LMX1A: variants seen among roughly 807,000 people sequenced by gnomAD.
The protein encoded by LMX1A is LIM homeobox transcription factor 1-alpha.
In LMX1A, 15 loss-of-function variants were observed where a neutral mutation model predicts 49.1. The observed-to-expected ratio is 0.31, with a 90% CI of 0.20 to 0.47. The LOEUF (loss-of-function observed/expected upper bound fraction) is 0.47, where lower values mean the gene tolerates loss of function less well. Among genes scored for constraint, LMX1A ranks in the 20% least tolerant of loss-of-function variants. The probability of loss-of-function intolerance (pLI) is 1.00; values close to 1 mark genes in which losing one functional copy is unlikely to be tolerated. For missense variants in LMX1A, 372 were observed against 475.8 expected (o/e 0.78, Z 2.03); for synonymous variants, 167 against 185.7 (o/e 0.90, Z 0.82).
rs1208194500 is a variant in LMX1A, at chr1:165,275,839, GTGTGTGTA to G, written c.264-26207_264-26200del. Reference sequence around the variant, plus strand: ...TCTAGAGCTTTTATGGCGCTGGGGTGTGTGTGTATGTGTGTGTGTGTGTGTGTGTGTGT... The same window carrying G: ...TCTAGAGCTTTTATGGCGCTGGGGTGTGTGTGTGTGTGTGTGTGTGTGTGT... On this transcript the variant is annotated intron_variant, in intron 3 of 8. Coordinates refer to ENST00000342310, the MANE Select transcript of LMX1A (RefSeq NM_177398.4). 8.5e-3 allele frequency among the ~76,000 whole-genome samples: 626 copies of G among 73,744 alleles called. 5 individuals are homozygous for G. The highest frequency in any genetic ancestry group is 0.026 in the Admixed American group (166 of 6,344). The allele number at this position is 73,744 out of a possible 152,430, so 48.4% of individuals were successfully genotyped here. A position where few individuals can be genotyped will look rare whatever the true frequency, so the allele number is the denominator to read the frequency against.
At chr1:165,222,220 G>C (rs1300031916) in intron 4 of LMX1A, among the ~76,000 whole-genome samples, 1 of 152,062 alleles carries the variant, frequency 6.6e-6, no homozygotes, top group African/African-American at 2.4e-5. Flanking sequence ...GTTTTGATTT[G>C]GCCAGCCTCC....
chr1:165,223,120 G>GA (rs201001547), intron 4 of LMX1A, among the ~76,000 whole-genome samples: 223 of 147,690 alleles, frequency 1.5e-3, no homozygotes, highest in East Asian at 4.3e-3. Context: ...TACACTTCAA[G>GA]AAAAAAAAAA....
intron 4 of LMX1A, among the ~76,000 whole-genome samples, chr1:165,231,942 C>T (rs1402706863): frequency 2.0e-5 from 3 of 152,188 alleles, no homozygotes; most frequent in African/African-American, 7.2e-5. Flanking sequence ...TGAGAGCACA[C>T]GGACTGAAAC....
intron 3 of LMX1A, among the ~76,000 whole-genome samples, chr1:165,296,345 G>A (rs1470544626): frequency 6.6e-6 from 1 of 152,244 alleles, no homozygotes; most frequent in Non-Finnish European, 1.5e-5. Context: ...AAGGCACAGA[G>A]ACACATACTA....
chr1:165,253,158 C>T (rs1228124265), intron 3 of LMX1A, among the ~76,000 whole-genome samples: 2 of 152,038 alleles, frequency 1.3e-5, no homozygotes, highest in Non-Finnish European at 2.9e-5. Context: ...TCATGTAGCT[C>T]GCATGCTAGT....
At chr1:165,284,869 T>C (rs1297576424) in intron 3 of LMX1A, among the ~76,000 whole-genome samples, 2 of 152,190 alleles carry the variant, frequency 1.3e-5, no homozygotes, top group Non-Finnish European at 2.9e-5. Context: ...ATTTTCGGGT[T>C]TCTGACCAGC....
At chr1:165,216,330 C>CT (rs1651641840) in intron 4 of LMX1A, among the ~76,000 whole-genome samples, 1 of 152,204 alleles carries the variant, frequency 6.6e-6, no homozygotes, top group Admixed American at 6.5e-5. Context: ...TGGATAGACC[C>CT]TATTGATCCT....
chr1:165,338,332 G>A (rs1655965354), intron 3 of LMX1A, among the ~76,000 whole-genome samples: 1 of 152,168 alleles, frequency 6.6e-6, no homozygotes, highest in Admixed American at 6.5e-5. Context: ...ATAACAGTTT[G>A]ACCTCTGCAA....
At chr1:165,214,062 C>T (rs188873645) in intron 4 of LMX1A, among the ~76,000 whole-genome samples, 4 of 152,324 alleles carry the variant, frequency 2.6e-5, no homozygotes, top group East Asian at 1.9e-4. Context: ...ATCCTGGCTC[C>T]GCATTTACTA....
At chr1:165,284,902 G>A (rs1226474920) in intron 3 of LMX1A, among the ~76,000 whole-genome samples, 1 of 152,216 alleles carries the variant, frequency 6.6e-6, no homozygotes, top group African/African-American at 2.4e-5. Flanking sequence ...CCAGAACCAA[G>A]AGCCACAGCC....
chr1:165,229,977 C>T (rs1652183162), intron 4 of LMX1A, among the ~76,000 whole-genome samples: 1 of 152,124 alleles, frequency 6.6e-6, no homozygotes, highest in African/African-American at 2.4e-5. Flanking sequence ...AAGGTTAGGC[C>T]TTTGGAGGTC....
At chr1:165,233,864 G>T (rs1652325451) in intron 4 of LMX1A, among the ~76,000 whole-genome samples, 1 of 152,100 alleles carries the variant, frequency 6.6e-6, no homozygotes, top group African/African-American at 2.4e-5. Flanking sequence ...ACGAAGTATT[G>T]AAGGCATAAA....
At chr1:165,300,834 TCTC>T (rs1483856234) in intron 3 of LMX1A, among the ~76,000 whole-genome samples, 2 of 152,120 alleles carry the variant, frequency 1.3e-5, no homozygotes, top group Non-Finnish European at 2.9e-5. Context: ...CCTGCCTGCT[TCTC>T]CTCATTCATG....
At chr1:165,213,852 G>A in intron 4 of LMX1A, 39 bp from the exon 5 acceptor site, 3 of 1,597,158 alleles carry the variant, frequency 1.9e-6, no homozygotes, top group Non-Finnish European at 2.6e-6. Context: ...GTCCCTGAAA[G>A]CCAGTTCCTG....
rs540357960 is a variant in LMX1A at position 165,203,576 on chromosome 1, T to C, written c.*304A>G. Reference sequence around the variant, plus strand: ...GCTTCCCCGACATGGTGGGAAGTTGTTAGGAGTCCCTAAGTATCTAGTTTG... The same window carrying C: ...GCTTCCCCGACATGGTGGGAAGTTGCTAGGAGTCCCTAAGTATCTAGTTTG... On this transcript the variant is annotated 3_prime_UTR_variant, in exon 9 of 9. Coordinates refer to ENST00000342310, the MANE Select transcript of LMX1A (RefSeq NM_177398.4). 5.1e-4 allele frequency: 112 copies of C among 220,200 alleles called. No homozygotes were observed. Among genetic ancestry groups the C allele is most frequent in the African/African-American group, 2.3e-3 (105 of 44,808 alleles). 13.6% of individuals were successfully genotyped at this position (220,200 alleles called of 1,614,324 possible).
In LMX1A at chr1:165,350,173, CAAAAA is replaced by C. The variant is rs60150264; in HGVS notation, c.263+2898_263+2902del. 2.5e-3 allele frequency among the ~76,000 whole-genome samples: 202 copies of C among 80,248 alleles called. 2 individuals are homozygous for C. The highest frequency in any genetic ancestry group is 0.01 in the African/African-American group (183 of 18,040). The allele number at this position is 80,248 out of a possible 152,430, so 52.6% of individuals were successfully genotyped here. ...GGCCTCAAATTTTTCAAAGATCCAC[CAAAAA>C]AAAAAAAAAAAAAAAAAAAGCAAAG... On this transcript the variant is annotated intron_variant, in intron 3 of 8. Transcript: ENST00000342310.
At chr1:165,282,473 A>C (rs143427433) in intron 3 of LMX1A, among the ~76,000 whole-genome samples, 1 of 152,274 alleles carries the variant, frequency 6.6e-6, no homozygotes, top group East Asian at 1.9e-4. Flanking sequence ...GTTATACTAC[A>C]TTGTTTTAAA....
intron 3 of LMX1A, among the ~76,000 whole-genome samples, chr1:165,318,983 CCT>C (rs137990365): frequency 1.1e-3 from 143 of 136,072 alleles, no homozygotes; most frequent in African/African-American, 3.4e-3. Flanking sequence ...GCTGAGATCT[CCT>C]CTCTCTCTCT....
intron 3 of LMX1A, among the ~76,000 whole-genome samples, chr1:165,329,305 G>C (rs1655673184): frequency 6.6e-6 from 1 of 152,176 alleles, no homozygotes; most frequent in African/African-American, 2.4e-5. Context: ...CTCGACATGT[G>C]GGGATTATGG....
Sources: allele counts gnomAD v4.1 joint callset (sites outside exome capture counted in the v4.1 genomes callset), GRCh38; gene constraint gnomAD v4.1.1; transcripts MANE v1.5; gene names NCBI Gene and HGNC (gene_info 2026-07-23, HGNC 2026-07-21).